GRAMD4: variants seen among roughly 807,000 people sequenced by gnomAD.
GRAMD4 encodes GRAM domain-containing protein 4.
In GRAMD4, 25 loss-of-function variants were observed where a neutral mutation model predicts 83.9. That is an observed-to-expected ratio of 0.30 (90% CI 0.22 to 0.42). The LOEUF is 0.42. Ranked by LOEUF, GRAMD4 falls within the 10% of genes least tolerant of loss-of-function variation. The pLI, the probability that GRAMD4 is intolerant of heterozygous loss-of-function variation, is 1.00. For synonymous variants in GRAMD4, 336 were observed against 320.9 expected, an observed-to-expected ratio of 1.05 and a Z score of -0.50; for missense variants, 593 against 788.7, an observed-to-expected ratio of 0.75 and a Z score of 2.97.
At chr22:46,636,942 C>G (rs2081897835) in intron 2 of GRAMD4, among the ~76,000 whole-genome samples, 1 of 152,166 alleles carries the variant, frequency 6.6e-6, no homozygotes. Context: ...GACGAGGCCC[C>G]TGTTTGGAGT....
chr22:46,666,654 T>C (rs569033311), intron 9 of GRAMD4, among the ~76,000 whole-genome samples, 171 bp from the exon 10 acceptor site: 2 of 152,260 alleles, frequency 1.3e-5, no homozygotes, highest in East Asian at 3.9e-4. Flanking sequence ...AGGAGTTGAC[T>C]GCTCTCACAG....
At chr22:46,617,320 G>A (rs1379675535), upstream of GRAMD4, among the ~76,000 whole-genome samples, 2 of 150,572 alleles carry the variant, frequency 1.3e-5, no homozygotes, top group Non-Finnish European at 3.0e-5. Flanking sequence ...CTGTGTGTAC[G>A]TTCCCCTAAG....
chr22:46,603,029 C>G (rs942398805), intron 1 of GRAMD4, among the ~76,000 whole-genome samples: 3 of 151,974 alleles, frequency 2.0e-5, no homozygotes, highest in Non-Finnish European at 4.4e-5. Context: ...GTGTGAGCCA[C>G]CACACCTGAC....
upstream of GRAMD4, among the ~76,000 whole-genome samples, chr22:46,619,912 C>G (rs1195563597): frequency 6.6e-6 from 1 of 152,096 alleles, no homozygotes; most frequent in Admixed American, 6.5e-5. Flanking sequence ...GGAGGGCTGG[C>G]GGCTGTGGGA....
chr22:46,666,789 G>T (rs777251341), intron 9 of GRAMD4, 36 bp from the exon 10 acceptor site: 2 of 1,584,916 alleles, frequency 1.3e-6, no homozygotes, highest in South Asian at 2.2e-5. Flanking sequence ...CTCAGGTGGC[G>T]CTGTCCTAAA....
At position 46,621,748 on chromosome 22, in the gene GRAMD4, G is replaced by C. The variant is rs975426045; in HGVS notation, c.-50+1183G>C. ...GTGTCGCGGAGGGCACCCCTACCCC[G>C]GTGCAGGCGCAGGCTGGAAGTGTAG... On this transcript the variant is annotated intron_variant, in intron 1 of 18. Transcript: ENST00000406902. The surrounding 1 kb of genome is among the most constrained non-coding windows in gnomAD (Gnocchi z 5.8). 6.6e-6 allele frequency among the ~76,000 whole-genome samples: 1 copy of C among 151,446 alleles called. No homozygotes were observed. Among genetic ancestry groups the C allele is most frequent in the South Asian group, 2.1e-4 (1 of 4,820 alleles).
rs879138731 is a variant in GRAMD4 at position 46,638,059 on chromosome 22, A to C, written c.283+99A>C. 132 of 1,304,014 alleles carry C rather than the reference A, an allele frequency of 1.0e-4. No homozygotes were observed. In the Middle Eastern group the frequency reaches 3.0e-3, roughly 29 times the overall value. The allele number at this position is 1,304,014 out of a possible 1,614,324, so 80.8% of individuals were successfully genotyped here. On this transcript the variant is annotated intron_variant, in intron 3 of 18. Coordinates refer to ENST00000406902, the MANE Select transcript of GRAMD4 (RefSeq NM_015124.5). ...TGCCCAGGAGCTGGGTCTGGTGAAG[A>C]CCCACGCAGGCTCCATCGCTGGACA...
chr22:46,676,785 C>A, intron 18 of GRAMD4, 117 bp downstream of exon 18: 1 of 926,000 alleles, frequency 1.1e-6, no homozygotes, highest in African/African-American at 1.6e-5. Flanking sequence ...GCAGCAGGGT[C>A]ACAAAGCCGC....
chr22:46,627,750 C>T (rs973908764), intron 2 of GRAMD4, among the ~76,000 whole-genome samples: 1 of 152,214 alleles, frequency 6.6e-6, no homozygotes, highest in African/African-American at 2.4e-5. Context: ...TGGCTCCTTG[C>T]GTTGCTAATG....
At chr22:46,588,789 G>C (rs1279886684) in intron 1 of GRAMD4, among the ~76,000 whole-genome samples, 1 of 151,124 alleles carries the variant, frequency 6.6e-6, no homozygotes, top group African/African-American at 2.5e-5. Context: ...CACTGGCGTC[G>C]GTCCGGGCTG....
intron 1 of GRAMD4, among the ~76,000 whole-genome samples, chr22:46,592,281 G>A (rs2081217291): frequency 2.0e-5 from 3 of 152,152 alleles, no homozygotes; most frequent in Admixed American, 1.3e-4. Context: ...GGGCAAGTGT[G>A]TATTTTTAAA....
intron 1 of GRAMD4, among the ~76,000 whole-genome samples, chr22:46,595,573 C>G (rs9616076): frequency 0.3 from 45,509 of 152,128 alleles, 7,311 homozygotes; most frequent in African/African-American, 0.34. Context: ...GGCAGCTCAG[C>G]CCTAGGTGAG....
intron 5 of GRAMD4, among the ~76,000 whole-genome samples, chr22:46,662,190 A>G (rs1010781454): frequency 7.9e-5 from 12 of 152,202 alleles, no homozygotes; most frequent in Admixed American, 1.3e-4. Flanking sequence ...AAGAAGCCGC[A>G]GGAGCCTGCC....
Position 46,642,784 on chromosome 22 carries a change from C to T in GRAMD4, c.283+4824C>T, listed in dbSNP as rs961602194. ...AAATTTTGACATGATTTCAGACTTACAGGAAAGTCACAAAAATAATACAAA... is the reference window on the plus strand; with the variant it reads ...AAATTTTGACATGATTTCAGACTTATAGGAAAGTCACAAAAATAATACAAA... On this transcript the variant is annotated intron_variant, in intron 3 of 18. Coordinates refer to ENST00000406902, the MANE Select transcript of GRAMD4 (RefSeq NM_015124.5). Among the ~76,000 whole-genome samples the T allele has an allele frequency of 3.9e-5, 6 of 152,182 alleles. No individual in the cohort carries two copies. In the East Asian group the frequency reaches 1.2e-3, roughly 29 times the overall value.
chr22:46,619,138 CAG>C (rs1485526075), upstream of GRAMD4, among the ~76,000 whole-genome samples: 1 of 152,178 alleles, frequency 6.6e-6, no homozygotes, highest in Non-Finnish European at 1.5e-5. Flanking sequence ...CACATGTCAT[CAG>C]TTGTGAGCCG....
chr22:46,631,436 C>T (rs928585940), intron 2 of GRAMD4, among the ~76,000 whole-genome samples: 1 of 148,164 alleles, frequency 6.7e-6, no homozygotes, highest in Non-Finnish European at 1.5e-5. Context: ...TGTGTCCTTT[C>T]GTCTCCTGGG....
At chr22:46,583,096 G>T (rs1370905857) in intron 1 of GRAMD4, among the ~76,000 whole-genome samples, 1 of 152,132 alleles carries the variant, frequency 6.6e-6, no homozygotes, top group Non-Finnish European at 1.5e-5. Flanking sequence ...GGCTAATTTT[G>T]TATTTTTAGT....
chr22:46,579,753 A>T (rs6008920), intron 1 of GRAMD4, among the ~76,000 whole-genome samples: 1 of 152,116 alleles, frequency 6.6e-6, no homozygotes, highest in East Asian at 1.9e-4. Context: ...ACTGGGGTTT[A>T]TTTGGCATTG....
intron 3 of GRAMD4, among the ~76,000 whole-genome samples, chr22:46,640,091 T>C (rs941987727): frequency 1.3e-5 from 2 of 152,334 alleles, no homozygotes; most frequent in East Asian, 3.9e-4. Flanking sequence ...ATGGAAGGTA[T>C]GCTATTTGGC....
Sources: gnomAD v4.1 joint callset for allele counts (sites outside exome capture counted in the v4.1 genomes callset) on GRCh38, gnomAD v4.1.1 for gene constraint, Gnocchi (gnomAD v3.1) non-coding constraint, MANE v1.5 for transcripts, NCBI Gene and HGNC (gene_info 2026-07-23, HGNC 2026-07-21) for gene names.